The following RNF10 variants were observed in gnomAD, a reference collection of about 807,000 sequenced individuals.
RNF10 encodes the protein E3 ubiquitin-protein ligase RNF10.
In RNF10, 38 loss-of-function variants were observed where a neutral mutation model predicts 91.4. The observed-to-expected ratio is 0.42, with a 90% CI of 0.32 to 0.54. The LOEUF (loss-of-function observed/expected upper bound fraction) is 0.54, where lower values mean the gene tolerates loss of function less well. Among genes scored for constraint, RNF10 ranks in the 20% least tolerant of loss-of-function variants. The pLI, the probability that RNF10 is intolerant of heterozygous loss-of-function variation, is 0.16. For missense variants in RNF10, 945 were observed against 1,012.0 expected (o/e 0.93, Z 0.90); for synonymous variants, 364 against 366.3 (o/e 0.99, Z 0.07).
chr12:120,545,091 G>C (rs1209389813), intron 1 of RNF10, among the ~76,000 whole-genome samples: 2 of 152,254 alleles, frequency 1.3e-5, no homozygotes, highest in Non-Finnish European at 2.9e-5. Flanking sequence ...TAATGAGTTA[G>C]TGCTCTGTGG....
At chr12:120,552,724 A>T (rs1182345723) in intron 3 of RNF10, 26 bp downstream of exon 3, 1 of 1,604,770 alleles carries the variant, frequency 6.2e-7, no homozygotes, top group Non-Finnish European at 8.5e-7. Flanking sequence ...CCTCAGAGGA[A>T]AGGGAAAGTA....
intron 3 of RNF10, chr12:120,554,023 G>C (rs549846392): frequency 6.6e-6 from 1 of 151,336 alleles, no homozygotes; most frequent in East Asian, 2.0e-4. Context: ...TCCTGCCTTA[G>C]CCTCCTAAGT....
At chr12:120,539,731 C>T (rs924871550) in intron 1 of RNF10, among the ~76,000 whole-genome samples, 9 of 151,792 alleles carry the variant, frequency 5.9e-5, no homozygotes, top group African/African-American at 4.8e-5. Context: ...ATTTATTTGT[C>T]GACTCTGGAG....
intron 13 of RNF10, 51 bp from the exon 14 acceptor site, chr12:120,571,140 G>GCTT (rs780304232): frequency 7.9e-7 from 1 of 1,260,170 alleles, no homozygotes; most frequent in South Asian, 1.2e-5. Context: ...TCTTGTTAAG[G>GCTT]ACACCCCTTG....
At chr12:120,539,336 C>A (rs1297297670) in intron 1 of RNF10, 1 of 1,124,054 alleles carries the variant, frequency 8.9e-7, no homozygotes, top group South Asian at 1.3e-5. Flanking sequence ...GTGCATCATT[C>A]CTGATACCAC....
chr12:120,560,581 C>T, intron 6 of RNF10, 145 bp from the exon 7 acceptor site: 2 of 723,154 alleles, frequency 2.8e-6, no homozygotes, highest in South Asian at 2.0e-5. Context: ...ATTTTAAGAC[C>T]ATTGTTAAAT....
At chr12:120,568,206 C>G (rs183881292) in intron 13 of RNF10, among the ~76,000 whole-genome samples, 338 of 151,764 alleles carry the variant, frequency 2.2e-3, no homozygotes, top group Non-Finnish European at 4.5e-3. Flanking sequence ...GATTGGGCCA[C>G]TGCACTCTAG....
intron 12 of RNF10, 73 bp from the exon 13 acceptor site, chr12:120,566,752 A>AC: frequency 7.6e-7 from 1 of 1,309,926 alleles, no homozygotes; most frequent in Admixed American, 2.2e-5. Context: ...ACAGAGTGAG[A>AC]CCCCATCTCA....
chr12:120,566,686 T>TGGGAGGCAG, intron 12 of RNF10, 139 bp from the exon 13 acceptor site: 1 of 780,422 alleles, frequency 1.3e-6, no homozygotes, highest in Non-Finnish European at 2.0e-6. Context: ...CGCTTGAGCC[T>TGGGAGGCAG]GGGAGGCAGA....
chr12:120,542,940 C>T (rs1314848346), intron 1 of RNF10, among the ~76,000 whole-genome samples: 1 of 152,148 alleles, frequency 6.6e-6, no homozygotes, highest in Non-Finnish European at 1.5e-5. Context: ...TGTGACTGTT[C>T]TGTTTACATT....
chr12:120,555,797 C>T (rs117054838), intron 4 of RNF10, among the ~76,000 whole-genome samples: 3 of 145,182 alleles, frequency 2.1e-5, no homozygotes, highest in Non-Finnish European at 4.6e-5. Flanking sequence ...TACCTGGCCT[C>T]TTTTTTTTTT....
intron 6 of RNF10, 140 bp from the exon 7 acceptor site, chr12:120,560,586 T>C: frequency 1.3e-6 from 1 of 755,406 alleles, no homozygotes. Context: ...AAGACCATTG[T>C]TAAATTATTT....
intron 1 of RNF10, among the ~76,000 whole-genome samples, chr12:120,537,797 A>G (rs919660087): frequency 6.6e-6 from 1 of 152,086 alleles, no homozygotes; most frequent in African/African-American, 2.4e-5. Flanking sequence ...TGGGCTTTGT[A>G]GCCAAATCCA....
chr12:120,538,807 A>G (rs1019111995), intron 1 of RNF10, among the ~76,000 whole-genome samples: 2 of 152,158 alleles, frequency 1.3e-5, no homozygotes. Context: ...GGTTGGTGGT[A>G]TGAAGCACTG....
rs752534210 is a variant in RNF10, at chr12:120,575,832, C to T, written c.2241C>T (p.Asp747=). ...SLVPPAPVDS[D]GESDNSDRVP... is the part of the protein sequence containing the mutation. ...TTCCTCCTGCCCCTGTGGACAGCGA[C>T]GGGGAGAGTGATAATTCAGACCGTG... Residue 747 remains aspartate (D), a synonymous_variant, in exon 16 of 17, where the codon GAC becomes GAT. Transcript: ENST00000325954. The T allele has an allele frequency of 4.3e-5, 69 of 1,614,012 alleles. No homozygotes were observed. The highest frequency in any genetic ancestry group is 2.2e-4 in the Admixed American group (13 of 60,000).
At chr12:120,561,022 A>G in intron 7 of RNF10, 136 bp downstream of exon 7, 1 of 877,892 alleles carries the variant, frequency 1.1e-6, no homozygotes, top group South Asian at 2.0e-5. Flanking sequence ...TCCATTCCAC[A>G]TTTAAGACAA....
In RNF10 at chr12:120,534,684, GA is replaced by G; in HGVS notation, c.-123del. On this transcript the variant is annotated 5_prime_UTR_variant, in exon 1 of 17. It adds an upstream start codon to the 5' untranslated region. Coordinates refer to ENST00000325954, the MANE Select transcript of RNF10 (RefSeq NM_014868.5). ...TTGAGAAGCCAAGGAAGGAAACAGG[GA>G]AAAATGTCGCCATGAAGGCCGAGAA... 2 of 1,385,106 alleles carry G rather than the reference GA, an allele frequency of 1.4e-6. No individual in the cohort carries two copies. Among genetic ancestry groups the G allele is most frequent in the South Asian group, 1.6e-5 (1 of 60,880 alleles). The allele number at this position is 1,385,106 out of a possible 1,614,324, so 85.8% of individuals were successfully genotyped here. A position where few individuals can be genotyped will look rare whatever the true frequency, so the allele number is the denominator to read the frequency against.
chr12:120,539,995 G>A (rs1167722), intron 1 of RNF10, among the ~76,000 whole-genome samples: 40,721 of 151,270 alleles, frequency 0.27, 6,570 homozygotes, highest in Admixed American at 0.39. Context: ...CCACCACACC[G>A]GCCTAATTTT....
intron 6 of RNF10, among the ~76,000 whole-genome samples, chr12:120,560,497 A>G (rs1450713450): frequency 6.6e-6 from 1 of 152,020 alleles, no homozygotes; most frequent in East Asian, 1.9e-4. Context: ...GTAACAATAA[A>G]CGCGTGACTA....
Sources: gnomAD v4.1 joint callset for allele counts (sites outside exome capture counted in the v4.1 genomes callset) on GRCh38, gnomAD v4.1.1 for gene constraint, MANE v1.5 for transcripts, NCBI Gene and HGNC (gene_info 2026-07-23, HGNC 2026-07-21) for gene names.